Variants in SCN4A observed in about 807,000 individuals in gnomAD.
SCN4A encodes sodium voltage-gated channel alpha subunit 4.
In SCN4A, 83 loss-of-function variants were observed where a neutral mutation model predicts 162.0. The observed-to-expected ratio is 0.51, with a 90% CI of 0.43 to 0.61. SCN4A has a LOEUF of 0.61. Ranked by LOEUF, SCN4A falls within the 20% of genes least tolerant of loss-of-function variation. SCN4A has a pLI of 0.00. For synonymous variants in SCN4A, 944 were observed against 985.1 expected (o/e 0.96, Z 0.78); for missense variants, 2,196 against 2,462.5 (o/e 0.89, Z 2.29).
chr17:63,944,143 C>CT lies in SCN4A; in HGVS notation c.3913-294dup, dbSNP rs1167483545. Among the ~76,000 whole-genome samples, 15 of 150,870 alleles carry CT rather than the reference C, an allele frequency of 9.9e-5. No individual in the cohort carries two copies. Among genetic ancestry groups the CT allele is most frequent in the East Asian group, 1.9e-4 (1 of 5,146 alleles). ...ACAAGGCAGGTTGTAGCAGCCTCGTCTTTTTTTTTGTTGTTGAGATGGAGT... is the reference window on the plus strand; with the variant it reads ...ACAAGGCAGGTTGTAGCAGCCTCGTCTTTTTTTTTTGTTGTTGAGATGGAGT... On this transcript the variant is annotated intron_variant, in intron 21 of 23. Coordinates refer to ENST00000435607, the MANE Select transcript of SCN4A (RefSeq NM_000334.4). The surrounding 1 kb of genome is among the most constrained non-coding windows in gnomAD (Gnocchi z 4.3).
intron 18 of SCN4A, among the ~76,000 whole-genome samples, chr17:63,946,518 G>A (rs1159214753): frequency 7.5e-6 from 1 of 133,202 alleles, no homozygotes; most frequent in African/African-American, 3.0e-5. Context: ...CGCTCTCCAG[G>A]GCCTGAGTGG....
Position 63,941,492 on chromosome 17 carries a change from A to T in SCN4A, c.4790T>A (p.Ile1597Asn). 1 of 1,614,044 alleles carries T rather than the reference A, an allele frequency of 6.2e-7. No homozygotes were observed. The highest frequency in any genetic ancestry group is 8.5e-7 in the Non-Finnish European group (1 of 1,180,016). ...TGTGGCCACATTGAAGTTCTCCAGGATGATGGCGATGTACATGTTGACCAC... is the reference window on the plus strand; with the variant it reads ...TGTGGCCACATTGAAGTTCTCCAGGTTGATGGCGATGTACATGTTGACCAC... The part of the protein sequence containing the change: ...LIVVNMYIAI[I>N]LENFNVATEE... The change falls in exon 24 of 24, where the codon ATC (isoleucine) becomes AAC (asparagine). Residue 1597 changes from isoleucine (I) to asparagine (N), a missense_variant. By Grantham distance (149) the Ile-to-Asn change is moderately radical. Transcript: ENST00000435607. This position sits in a 1 kb window ranked among gnomAD's most constrained non-coding sequence, Gnocchi z 6.2.
At chr17:63,942,039 C>A in intron 23 of SCN4A, 46 bp from the exon 24 acceptor site, 1 of 1,507,062 alleles carries the variant, frequency 6.6e-7, no homozygotes, top group East Asian at 2.3e-5. Flanking sequence ...GGAGGGGGGC[C>A]GGCACAGGGT....
In SCN4A at chr17:63,961,268, G is replaced by T. The variant is rs1286337938; in HGVS notation, c.1770C>A (p.Leu590=). ...GTTCCATGGCCATGAAGAGGGTGTT[G>T]AGCACGATGCAGATGGTGATGCCCA... ...VDLGITICIV[L]NTLFMAMEHY... is the part of the protein sequence containing the mutation. The change falls in exon 11 of 24, where the codon CTC becomes CTA. Residue 590 remains leucine, a synonymous_variant. Transcript: ENST00000435607. 6.3e-7 allele frequency: 1 copy of T among 1,591,670 alleles called. No homozygotes were observed. The highest frequency in any genetic ancestry group is 1.1e-5 in the South Asian group (1 of 90,690).
chr17:63,940,970 A>G lies in SCN4A; in HGVS notation c.5312T>C (p.Leu1771Pro). The change falls in exon 24 of 24, where the codon CTG (leucine) becomes CCG (proline). Residue 1771 changes from leucine to proline, a missense_variant. Leu to Pro is a moderately conservative substitution (Grantham distance 98). Transcript: ENST00000435607. ...SGDDAPEKEG[L>P]LANTMSKMYG... ...CATCTTGCTCATGGTGTTGGCAAGC[A>G]GCCCCTCCTTCTCAGGGGCGTCATC... is the stretch of plus-strand genomic sequence containing the variant. The G allele has an allele frequency of 1.9e-6, 3 of 1,613,342 alleles. No individual in the cohort carries two copies. The highest frequency in any genetic ancestry group is 2.5e-6 in the Non-Finnish European group (3 of 1,179,338).
intron 23 of SCN4A, 81 bp from the exon 24 acceptor site, chr17:63,942,074 G>A: frequency 7.5e-7 from 1 of 1,335,828 alleles, no homozygotes; most frequent in Non-Finnish European, 1.0e-6. Context: ...GGGCTCAGGG[G>A]GCCCGGCCTG....
chr17:63,940,975 C>T lies in SCN4A; in HGVS notation c.5307G>A (p.Glu1769=), dbSNP rs1228215854. 2 of 1,613,342 alleles carry T rather than the reference C, an allele frequency of 1.2e-6. No individual in the cohort carries two copies. The highest frequency in any genetic ancestry group is 3.3e-5 in the Admixed American group (2 of 60,024). ...TGCTCATGGTGTTGGCAAGCAGCCC[C>T]TCCTTCTCAGGGGCGTCATCCCCGC... ...DGSGDDAPEK[E]GLLANTMSKM... The change falls in exon 24 of 24, where the codon GAG becomes GAA. Residue 1769 remains glutamate, a synonymous_variant. Transcript: ENST00000435607.
At position 63,963,775 on chromosome 17, in the gene SCN4A, G is replaced by A; in HGVS notation, c.1503C>T (p.Ala501=). The change falls in exon 10 of 24, where the codon GCC becomes GCT. Residue 501 remains alanine, a synonymous_variant. Transcript: ENST00000435607. ...LEGGEADGDP[A]HGKDCNGSLD... ...GGCTGCCATTGCAGTCTTTGCCATG[G>A]GCTGGGTCCCCATCTGCCTCCCCAC... 1 of 1,608,226 alleles carries A rather than the reference G, an allele frequency of 6.2e-7. No individual in the cohort carries two copies. The highest frequency in any genetic ancestry group is 1.1e-5 in the South Asian group (1 of 89,652).
Position 63,949,497 on chromosome 17 carries a change from G to A in SCN4A, c.2885C>T (p.Ser962Leu), listed in dbSNP as rs746676885. 9 of 1,612,424 alleles carry A rather than the reference G, an allele frequency of 5.6e-6. No homozygotes were observed. The highest frequency in any genetic ancestry group is 4.5e-5 in the East Asian group (2 of 44,838). The change falls in exon 15 of 24, where the codon TCG becomes TTG. Residue 962 changes from serine to leucine, a missense_variant. Transcript: ENST00000435607. The part of the protein sequence containing the change: ...KPPQPLYDGN[S>L]SVCSTADYKP... ...GTAGTCAGCTGTGCTGCAGACGGAC[G>A]AGTTCCCATCATAGAGAGGCTGCGG...
chr17:63,955,569 AGT>A (rs771650110), intron 13 of SCN4A, among the ~76,000 whole-genome samples: 1 of 152,154 alleles, frequency 6.6e-6, no homozygotes, highest in Non-Finnish European at 1.5e-5. Context: ...TGAGTGGCAA[AGT>A]GGGGATTTAA....
In SCN4A at chr17:63,959,249, TG is replaced by T; in HGVS notation, c.2019+15del. ...CCACCCCCATCCCAGCCCCTGGCCCTGGGGCTTTTGTGTACCAGACGGAAGG... is the reference window on the plus strand; with the variant it reads ...CCACCCCCATCCCAGCCCCTGGCCCTGGGCTTTTGTGTACCAGACGGAAGG... On this transcript the variant is annotated intron_variant, in intron 12 of 23. Coordinates refer to ENST00000435607, the MANE Select transcript of SCN4A (RefSeq NM_000334.4). 1 of 1,558,030 alleles carries T rather than the reference TG, an allele frequency of 6.4e-7. No individual in the cohort carries two copies.
In SCN4A at chr17:63,952,296, C is replaced by T. The variant is rs115687703; in HGVS notation, c.2377-396G>A. ...TTTCGGCTCACGGCAACCTCCACCTCCCAAGTTCAAGTGCCACCATGCCCA... is the reference window on the plus strand; with the variant it reads ...TTTCGGCTCACGGCAACCTCCACCTTCCAAGTTCAAGTGCCACCATGCCCA... On this transcript the variant is annotated intron_variant, in intron 13 of 23. Coordinates refer to ENST00000435607, the MANE Select transcript of SCN4A (RefSeq NM_000334.4). Among the ~76,000 whole-genome samples, 625 of 151,992 alleles carry T rather than the reference C, an allele frequency of 4.1e-3. 3 individuals are homozygous for T. The highest frequency in any genetic ancestry group is 0.014 in the African/African-American group (568 of 41,428).
rs540946497 is a variant in SCN4A at position 63,946,874 on chromosome 17, A to G, written c.3441+171T>C. ...GGCAGGCAGAAGATGGCCTGCGGGG[A>G]GGACAGCTAGGGGAGGTGGGGGCCA... On this transcript the variant is annotated intron_variant, in intron 18 of 23. Transcript: ENST00000435607. Among the ~76,000 whole-genome samples, 8 of 151,634 alleles carry G rather than the reference A, an allele frequency of 5.3e-5. No homozygotes were observed. In the South Asian group the frequency reaches 1.7e-3, roughly 32 times the overall value.
chr17:63,942,321 G>A (rs1908569250), intron 23 of SCN4A, among the ~76,000 whole-genome samples: 1 of 152,136 alleles, frequency 6.6e-6, no homozygotes, highest in South Asian at 2.1e-4. Context: ...GAGAGACAGA[G>A]AGAGAGGGAG....
At chr17:63,959,037 T>C (rs1909160893) in intron 12 of SCN4A, among the ~76,000 whole-genome samples, 1 of 152,194 alleles carries the variant, frequency 6.6e-6, no homozygotes, top group African/African-American at 2.4e-5. Context: ...TGTTGGCCTC[T>C]GTCACTTGGG....
intron 13 of SCN4A, among the ~76,000 whole-genome samples, chr17:63,953,849 T>C (rs1908990896): frequency 6.6e-6 from 1 of 152,178 alleles, no homozygotes; most frequent in Non-Finnish European, 1.5e-5. Flanking sequence ...TAGCCAGGAC[T>C]CGAACCAGGA....
chr17:63,953,948 T>G (rs1194393456), intron 13 of SCN4A, among the ~76,000 whole-genome samples: 2 of 152,172 alleles, frequency 1.3e-5, no homozygotes, highest in Non-Finnish European at 2.9e-5. Flanking sequence ...TGGTCACCCT[T>G]CCTTCTACCA....
rs367960721 is a variant in SCN4A, at chr17:63,941,931, G to A, written c.4351C>T (p.Arg1451Cys). The A allele has an allele frequency of 2.7e-5, 43 of 1,608,726 alleles. No homozygotes were observed. Among genetic ancestry groups the A allele is most frequent in the African/African-American group, 8.0e-5 (6 of 74,958 alleles). The change falls in exon 24 of 24, where the codon CGC becomes TGC. Residue 1451 changes from arginine to cysteine, a missense_variant. Arg to Cys is a radical substitution (Grantham distance 180). Coordinates refer to ENST00000435607, the MANE Select transcript of SCN4A (RefSeq NM_000334.4). This position sits in a 1 kb window ranked among gnomAD's most constrained non-coding sequence, Gnocchi z 6.2. ...FVSPTLFRVI[R>C]LARIGRVLRL... ...AGGACACGCCCAATCCGCGCCAGGCGGATCACACGGAACAGCGTGGGTGAC... is the reference window on the plus strand; with the variant it reads ...AGGACACGCCCAATCCGCGCCAGGCAGATCACACGGAACAGCGTGGGTGAC...
rs1908672383 is a variant in SCN4A, at chr17:63,945,158, G to A, written c.3721-98C>T. ...CACCCAACCTGGTCCTCCCCTGCCAGAGGCCGCCTGCCAGAGCCCCACTGG... is the reference window on the plus strand; with the variant it reads ...CACCCAACCTGGTCCTCCCCTGCCAAAGGCCGCCTGCCAGAGCCCCACTGG... On this transcript the variant is annotated intron_variant, in intron 19 of 23. Transcript: ENST00000435607. The surrounding 1 kb of genome is among the most constrained non-coding windows in gnomAD (Gnocchi z 4.4). 5.4e-6 allele frequency: 7 copies of A among 1,287,998 alleles called. No homozygotes were observed. The highest frequency in any genetic ancestry group is 7.7e-6 in the Non-Finnish European group (7 of 904,836). 79.8% of individuals were successfully genotyped at this position (1,287,998 alleles called of 1,614,324 possible). A position where few individuals can be genotyped will look rare whatever the true frequency, so the allele number is the denominator to read the frequency against.
Sources: allele counts gnomAD v4.1 joint callset (sites outside exome capture counted in the v4.1 genomes callset), GRCh38; gene constraint gnomAD v4.1.1; non-coding constraint Gnocchi (gnomAD v3.1); transcripts MANE v1.5; gene names NCBI Gene and HGNC (gene_info 2026-07-23, HGNC 2026-07-21).